The following SGTB variants were observed in gnomAD, a reference collection of about 807,000 sequenced individuals.
SGTB encodes the protein small glutamine rich tetratricopeptide repeat co-chaperone beta.
In SGTB, 19 loss-of-function variants were observed where a neutral mutation model predicts 43.9. The observed-to-expected ratio is 0.43, with a 90% CI of 0.30 to 0.63. The LOEUF is 0.63. Ranked by LOEUF, SGTB falls within the 30% of genes least tolerant of loss-of-function variation. The pLI is 0.12. For missense variants in SGTB, 304 were observed against 358.9 expected (o/e 0.85, Z 1.24); for synonymous variants, 116 against 117.3 (o/e 0.99, Z 0.07).
intron 4 of SGTB, among the ~76,000 whole-genome samples, chr5:65,706,917 T>C (rs1757943911): frequency 6.6e-6 from 1 of 151,930 alleles, no homozygotes; most frequent in African/African-American, 2.4e-5. Context: ...TCTGTCTAGG[T>C]AAGTAAGACA....
intron 9 of SGTB, 53 bp from the exon 10 acceptor site, chr5:65,672,051 A>G (rs1461851461): frequency 6.2e-7 from 1 of 1,600,012 alleles, no homozygotes; most frequent in African/African-American, 1.3e-5. Context: ...CTTAACAAAT[A>G]GGACAACTGG....
At chr5:65,716,993 A>C (rs561340526) in intron 2 of SGTB, among the ~76,000 whole-genome samples, 31 of 152,116 alleles carry the variant, frequency 2.0e-4, no homozygotes, top group African/African-American at 7.5e-4. Flanking sequence ...GAGATAAGAA[A>C]GCCAAGAAAG....
intron 5 of SGTB, among the ~76,000 whole-genome samples, chr5:65,700,874 G>T (rs1452478100): frequency 6.6e-6 from 1 of 150,772 alleles, no homozygotes; most frequent in Non-Finnish European, 1.5e-5. Flanking sequence ...GCCTGGAGTG[G>T]TGGCACATGC....
intron 2 of SGTB, among the ~76,000 whole-genome samples, chr5:65,720,081 C>CTTTTTTT (rs11312137): frequency 2.6e-4 from 33 of 124,952 alleles, no homozygotes; most frequent in South Asian, 5.1e-4. Context: ...TTTTCTTTTT[C>CTTTTTTT]TTTTTTTTTT....
chr5:65,675,862 A>G (rs1161595063), intron 8 of SGTB, among the ~76,000 whole-genome samples: 1 of 152,226 alleles, frequency 6.6e-6, no homozygotes, highest in African/African-American at 2.4e-5. Context: ...TGGAAAGGAA[A>G]AATTGTTACC....
rs563437922 is a variant in SGTB, at chr5:65,672,279, C to T, written c.684G>A (p.Ala228=). Residue 228 remains alanine, a splice_region_variant and synonymous_variant, in exon 9 of 11, where the codon GCG becomes GCA. Coordinates refer to ENST00000381007, the MANE Select transcript of SGTB (RefSeq NM_019072.3). The part of the protein sequence containing the change: ...LINNPAFISM[A]ASLMQNPQVQ... ...CTTGAGGGTTCTGCATTAAACTTGCCGCCTGGAATTGAAAAACAGCACCTC... is the reference window on the plus strand; with the variant it reads ...CTTGAGGGTTCTGCATTAAACTTGCTGCCTGGAATTGAAAAACAGCACCTC... 2.8e-5 allele frequency: 45 copies of T among 1,613,950 alleles called. No individual in the cohort carries two copies. In the South Asian group the frequency reaches 3.8e-4, roughly 14 times the overall value.
At chr5:65,701,796 C>T (rs1348912914) in intron 5 of SGTB, among the ~76,000 whole-genome samples, 1 of 152,094 alleles carries the variant, frequency 6.6e-6, no homozygotes, top group Non-Finnish European at 1.5e-5. Flanking sequence ...CCATGCCCGG[C>T]TAATTCCTTT....
In SGTB at chr5:65,700,636, G is replaced by A. The variant is rs540772307; in HGVS notation, c.374+3643C>T. The stretch of plus-strand genomic sequence containing the variant: ...GCGGAGCTTGCAGTGAGCCAAGATC[G>A]CGCCACTGCACTCCAGCCTGGGCGA... On this transcript the variant is annotated intron_variant, in intron 5 of 10. Transcript: ENST00000381007. 3.5e-3 allele frequency among the ~76,000 whole-genome samples: 504 copies of A among 145,038 alleles called. 2 individuals carry two copies. The highest frequency in any genetic ancestry group is 0.011 in the African/African-American group (443 of 38,988).
chr5:65,687,668 C>A (rs1440116771), intron 5 of SGTB, among the ~76,000 whole-genome samples: 7 of 152,156 alleles, frequency 4.6e-5, no homozygotes, highest in African/African-American at 1.7e-4. Context: ...GTCTATTCTG[C>A]CTGGTTGCTT....
Position 65,684,335 on chromosome 5 carries a change from T to A in SGTB, c.479+1033A>T, listed in dbSNP as rs778385802. 5.8e-4 allele frequency among the ~76,000 whole-genome samples: 88 copies of A among 152,224 alleles called. 2 individuals are homozygous for A. Among genetic ancestry groups the A allele is most frequent in the Non-Finnish European group, 1.0e-4 (7 of 68,018 alleles). On this transcript the variant is annotated intron_variant, in intron 6 of 10. Transcript: ENST00000381007. ...CTGGGCTCAAGCATTTCTCCCACCT[T>A]GGCCTCCCAAAATGCTGGGATTACA... is the stretch of plus-strand genomic sequence containing the variant.
chr5:65,700,006 C>T (rs2150716119), intron 5 of SGTB, among the ~76,000 whole-genome samples: 1 of 151,998 alleles, frequency 6.6e-6, no homozygotes, highest in East Asian at 1.9e-4. Flanking sequence ...AAAAACCTGT[C>T]AAATATATAT....
rs1581239815 is a variant in SGTB, at chr5:65,666,207, A to G, written c.*4039T>C. On this transcript the variant is annotated 3_prime_UTR_variant, in exon 11 of 11. Transcript: ENST00000381007. ...TTCTGTTTCATTCTGTTTTAAATCT[A>G]AAAAGTAAAATGATGGTCACTTGGA... 1.3e-5 allele frequency: 2 copies of G among 152,452 alleles called. No individual in the cohort carries two copies. Among genetic ancestry groups the G allele is most frequent in the Middle Eastern group, 3.4e-3 (1 of 294 alleles). 9.4% of individuals were successfully genotyped at this position (152,452 alleles called of 1,614,324 possible). A position where few individuals can be genotyped will look rare whatever the true frequency, so the allele number is the denominator to read the frequency against.
chr5:65,685,552 C>T (rs1757482019), intron 5 of SGTB, 80 bp from the exon 6 acceptor site: 2 of 1,132,418 alleles, frequency 1.8e-6, no homozygotes, highest in South Asian at 2.8e-5. Context: ...ATAATACTAC[C>T]TTTTTCTTGT....
chr5:65,712,479 C>T (rs1332518103), intron 3 of SGTB, among the ~76,000 whole-genome samples: 3 of 152,178 alleles, frequency 2.0e-5, no homozygotes, highest in Admixed American at 6.5e-5. Context: ...TTAACCCTTC[C>T]CTGTTTTAAG....
chr5:65,693,238 AAGAG>A (rs148053485), intron 5 of SGTB, among the ~76,000 whole-genome samples: 2,505 of 150,678 alleles, frequency 0.017, 71 homozygotes, highest in African/African-American at 0.059. Flanking sequence ...GAAAGAGAGA[AAGAG>A]AGAGAGGAAG....
At chr5:65,721,138 G>C (rs573582290) in intron 1 of SGTB, among the ~76,000 whole-genome samples, 1 of 152,246 alleles carries the variant, frequency 6.6e-6, no homozygotes, top group South Asian at 2.1e-4. Flanking sequence ...TCACCATACA[G>C]AAATCCCCTA....
At chr5:65,683,059 G>A (rs1021835782) in intron 6 of SGTB, among the ~76,000 whole-genome samples, 2 of 151,394 alleles carry the variant, frequency 1.3e-5, no homozygotes, top group African/African-American at 2.4e-5. Flanking sequence ...CATAGCCAAC[G>A]GCACTAACTC....
intron 5 of SGTB, among the ~76,000 whole-genome samples, chr5:65,686,517 G>GT (rs1384920398): frequency 0.036 from 4,980 of 137,110 alleles, 135 homozygotes; most frequent in African/African-American, 0.077. Flanking sequence ...ACCCACATTT[G>GT]TTTTTTTTTT....
chr5:65,722,644 GGACTGCCTCAGCCGCAGTCAGCGA>G (rs766878750), upstream of SGTB: 29 of 523,390 alleles, frequency 5.5e-5, no homozygotes, highest in South Asian at 1.2e-4. Flanking sequence ...TCTTTGTTTG[GGACTGCCTCAGCCGCAGTCAGCGA>G]GGCTGGTCAC....
Sources: gnomAD v4.1 joint callset for allele counts (sites outside exome capture counted in the v4.1 genomes callset) on GRCh38, gnomAD v4.1.1 for gene constraint, MANE v1.5 for transcripts, NCBI Gene and HGNC (gene_info 2026-07-23, HGNC 2026-07-21) for gene names.